The following CDH18 variants were observed in gnomAD, a reference collection of about 807,000 sequenced individuals.
CDH18 encodes the protein cadherin 18.
In CDH18, 31 loss-of-function variants were observed where a neutral mutation model predicts 67.9. The observed-to-expected ratio is 0.46, with a 90% CI of 0.34 to 0.62. The LOEUF is 0.62. Among genes scored for constraint, CDH18 ranks in the 20% least tolerant of loss-of-function variants. The pLI, the probability that CDH18 is intolerant of heterozygous loss-of-function variation, is 0.01. For missense variants in CDH18, 890 were observed against 975.5 expected, an observed-to-expected ratio of 0.91 and a Z score of 1.17; for synonymous variants, 362 against 347.2, an observed-to-expected ratio of 1.04 and a Z score of -0.48.
chr5:20,155,277 A>C (rs1410942591), intron 2 of CDH18, among the ~76,000 whole-genome samples: 2 of 152,084 alleles, frequency 1.3e-5, no homozygotes, highest in Non-Finnish European at 2.9e-5. Flanking sequence ...TTTCTATTTT[A>C]TCCTCTCAAA....
chr5:19,625,147 C>G (rs1375749878), intron 5 of CDH18, among the ~76,000 whole-genome samples: 1 of 152,096 alleles, frequency 6.6e-6, no homozygotes, highest in Admixed American at 6.6e-5. Context: ...CCACATCCAA[C>G]AGGTAATTGC....
At chr5:20,086,564 G>A (rs1744967557) in intron 2 of CDH18, among the ~76,000 whole-genome samples, 1 of 152,208 alleles carries the variant, frequency 6.6e-6, no homozygotes, top group Admixed American at 6.5e-5. Context: ...TGTTTTAGGG[G>A]CTAATACATC....
intron 3 of CDH18, among the ~76,000 whole-genome samples, chr5:19,786,485 C>T (rs1194071716): frequency 6.6e-6 from 1 of 152,082 alleles, no homozygotes; most frequent in Non-Finnish European, 1.5e-5. Flanking sequence ...AGCTTTAAGG[C>T]TGCTATCCCA....
intron 2 of CDH18, among the ~76,000 whole-genome samples, chr5:20,199,706 C>A (rs1390388321): frequency 6.6e-6 from 1 of 152,012 alleles, no homozygotes; most frequent in Non-Finnish European, 1.5e-5. Context: ...GTTTCCTCAC[C>A]CAAATATCAT....
intron 1 of CDH18, among the ~76,000 whole-genome samples, chr5:20,367,080 C>T (rs1742577397): frequency 6.6e-6 from 1 of 152,116 alleles, no homozygotes; most frequent in African/African-American, 2.4e-5. Flanking sequence ...ACCTCTTGGC[C>T]TGCTTGAGAT....
At chr5:20,502,004 T>C (rs762687832) in intron 1 of CDH18, among the ~76,000 whole-genome samples, 1 of 151,974 alleles carries the variant, frequency 6.6e-6, no homozygotes, top group Non-Finnish European at 1.5e-5. Context: ...TAGAAGGTCA[T>C]ATAAACTTGT....
At chr5:19,803,364 C>T (rs989025476) in intron 3 of CDH18, among the ~76,000 whole-genome samples, 2 of 152,180 alleles carry the variant, frequency 1.3e-5, no homozygotes, top group African/African-American at 4.8e-5. Flanking sequence ...TTAGTCTAAA[C>T]AAGTACTGTC....
Position 19,483,472 on chromosome 5 carries a change from A to C in CDH18, c.1711T>G (p.Ser571Ala). ...QDVYYLPIMI[S>A]DGGIPSLSSS... The stretch of plus-strand genomic sequence containing the variant: ...CTGAGAGAGGGGATTCCACCATCAG[A>C]GATCATAATGGGCAGATAATACACA... The change falls in exon 12 of 13, where the codon TCT (serine) becomes GCT (alanine). Residue 571 changes from serine (S) to alanine (A), a missense_variant. By Grantham distance (99) the Ser-to-Ala change is moderately conservative. Transcript: ENST00000382275. 1.2e-6 allele frequency: 2 copies of C among 1,614,128 alleles called. No individual in the cohort carries two copies. Among genetic ancestry groups the C allele is most frequent in the African/African-American group, 2.7e-5 (2 of 75,050 alleles).
chr5:20,445,244 A>G (rs1276621825), intron 1 of CDH18, among the ~76,000 whole-genome samples: 1 of 152,188 alleles, frequency 6.6e-6, no homozygotes, highest in African/African-American at 2.4e-5. Flanking sequence ...ATTTCCTTAA[A>G]TTGCATACAA....
intron 9 of CDH18, among the ~76,000 whole-genome samples, 158 bp downstream of exon 9, chr5:19,543,711 G>A (rs2127079921): frequency 6.6e-6 from 1 of 152,200 alleles, no homozygotes; most frequent in Admixed American, 6.5e-5. Context: ...ACTTATTCAT[G>A]CTATCTGATA....
chr5:19,815,917 A>T (rs1164534727), intron 3 of CDH18, among the ~76,000 whole-genome samples: 1 of 151,950 alleles, frequency 6.6e-6, no homozygotes, highest in African/African-American at 2.4e-5. Flanking sequence ...AGGTAAACAG[A>T]TGAGTGAGTG....
intron 3 of CDH18, among the ~76,000 whole-genome samples, chr5:19,757,363 C>G (rs1581215603): frequency 6.6e-6 from 1 of 152,186 alleles, no homozygotes; most frequent in East Asian, 1.9e-4. Context: ...AGGAATGGTG[C>G]CATATTGAGG....
chr5:19,989,167 C>G (rs149742936), upstream of CDH18, among the ~76,000 whole-genome samples: 454 of 152,258 alleles, frequency 3.0e-3, 1 homozygote, highest in Non-Finnish European at 5.1e-3. Context: ...ATCAAGCATC[C>G]TTATTTAAAG....
chr5:19,942,473 C>A (rs567349605), intron 2 of CDH18, among the ~76,000 whole-genome samples: 1 of 152,034 alleles, frequency 6.6e-6, no homozygotes, highest in East Asian at 1.9e-4. Context: ...ATCAAGGGAG[C>A]GATATTCCTA....
chr5:19,531,757 G>A (rs1432954795), intron 9 of CDH18, among the ~76,000 whole-genome samples: 1 of 152,112 alleles, frequency 6.6e-6, no homozygotes, highest in Non-Finnish European at 1.5e-5. Flanking sequence ...CATGGTGAAA[G>A]CCTGTCTCTA....
At chr5:19,587,598 G>T (rs1744384088) in intron 7 of CDH18, among the ~76,000 whole-genome samples, 1 of 150,562 alleles carries the variant, frequency 6.6e-6, no homozygotes, top group Non-Finnish European at 1.5e-5. Flanking sequence ...ATCAGATAGT[G>T]GTAAGTATGC....
chr5:19,805,412 T>C (rs577002590), intron 3 of CDH18, among the ~76,000 whole-genome samples: 1 of 152,304 alleles, frequency 6.6e-6, no homozygotes, highest in South Asian at 2.1e-4. Flanking sequence ...AGTTTTCTCT[T>C]TCCCCTTTGA....
intron 1 of CDH18, among the ~76,000 whole-genome samples, chr5:20,348,143 T>A (rs548837711): frequency 6.6e-6 from 1 of 152,184 alleles, no homozygotes; most frequent in Admixed American, 6.6e-5. Context: ...GATCTTCTAG[T>A]AAATTTGTGG....
intron 1 of CDH18, among the ~76,000 whole-genome samples, chr5:20,374,297 T>G (rs114819672): frequency 0.023 from 3,451 of 152,272 alleles, 103 homozygotes; most frequent in East Asian, 0.076. Context: ...TATTCAGACT[T>G]ATCTATTGAG....
Sources: gnomAD v4.1 joint callset for allele counts (sites outside exome capture counted in the v4.1 genomes callset) on GRCh38, gnomAD v4.1.1 for gene constraint, MANE v1.5 for transcripts, NCBI Gene and HGNC (gene_info 2026-07-23, HGNC 2026-07-21) for gene names.